The following GALNT17 variants were observed in gnomAD, a reference collection of about 807,000 sequenced individuals.
The protein encoded by GALNT17 is UDP-GalNAc:polypeptide N-acetylgalactosaminyltransferase-like 3.
In GALNT17, 29 loss-of-function variants were observed where a neutral mutation model predicts 63.7. The ratio of observed to expected loss-of-function variants is 0.46; its 90% CI spans 0.34 to 0.62. The LOEUF is 0.62. GALNT17 is among the 20% of genes least tolerant of loss of function. The probability of loss-of-function intolerance (pLI) is 0.01; values close to 1 mark genes in which losing one functional copy is unlikely to be tolerated. For missense variants in GALNT17, 603 were observed against 799.6 expected (o/e 0.75, Z 2.97); for synonymous variants, 305 against 318.3 (o/e 0.96, Z 0.45).
intron 1 of GALNT17, among the ~76,000 whole-genome samples, chr7:71,145,415 T>C (rs1190021822): frequency 6.6e-6 from 1 of 152,130 alleles, no homozygotes; most frequent in Non-Finnish European, 1.5e-5. Flanking sequence ...AGGATCTCTT[T>C]TGAGCCCGGG....
chr7:71,560,558 T>G (rs1208765010), intron 5 of GALNT17, among the ~76,000 whole-genome samples: 1 of 152,152 alleles, frequency 6.6e-6, no homozygotes, highest in Non-Finnish European at 1.5e-5. Flanking sequence ...TGTCATCACA[T>G]GCAGAGGAGG....
intron 9 of GALNT17, among the ~76,000 whole-genome samples, chr7:71,707,641 C>T (rs530044926): frequency 6.6e-6 from 1 of 152,296 alleles, no homozygotes; most frequent in Admixed American, 6.5e-5. Context: ...TCGTGCATCT[C>T]CTATCAGCAG....
intron 5 of GALNT17, among the ~76,000 whole-genome samples, chr7:71,477,577 C>T (rs1330444928): frequency 6.6e-6 from 1 of 152,092 alleles, no homozygotes; most frequent in Non-Finnish European, 1.5e-5. Context: ...TGACTGGCAC[C>T]TACAGTCTCA....
At chr7:71,168,461 A>AC (rs991049841) in intron 1 of GALNT17, among the ~76,000 whole-genome samples, 2 of 152,014 alleles carry the variant, frequency 1.3e-5, no homozygotes, top group African/African-American at 2.4e-5. Flanking sequence ...AACCCCAGCT[A>AC]CTCAGGAGGC....
intron 1 of GALNT17, among the ~76,000 whole-genome samples, chr7:71,310,558 A>G (rs910848007): frequency 1.3e-5 from 2 of 152,220 alleles, no homozygotes; most frequent in Non-Finnish European, 1.5e-5. Flanking sequence ...TAAGGATTCT[A>G]GTGGCCTGGG....
chr7:71,533,194 G>A (rs1377736161), intron 5 of GALNT17, among the ~76,000 whole-genome samples: 2 of 152,102 alleles, frequency 1.3e-5, no homozygotes, highest in African/African-American at 2.4e-5. Context: ...TTGTGCATTT[G>A]TTAAACTATA....
intron 5 of GALNT17, among the ~76,000 whole-genome samples, chr7:71,483,914 A>G (rs1207630687): frequency 6.6e-6 from 1 of 151,996 alleles, no homozygotes; most frequent in Non-Finnish European, 1.5e-5. Context: ...ACGAACACAC[A>G]CATTAGCCTA....
intron 5 of GALNT17, among the ~76,000 whole-genome samples, chr7:71,430,762 T>C (rs140493904): frequency 1.2e-3 from 178 of 152,294 alleles, no homozygotes; most frequent in Middle Eastern, 6.8e-3. Flanking sequence ...CACAGATATG[T>C]ACAAAGGGAG....
intron 5 of GALNT17, among the ~76,000 whole-genome samples, chr7:71,425,490 A>G (rs1226983690): frequency 9.9e-5 from 15 of 152,118 alleles, no homozygotes; most frequent in African/African-American, 3.4e-4. Flanking sequence ...CCAAAGTGCT[A>G]GGATTACAGG....
chr7:71,200,858 C>T (rs1789152565), intron 1 of GALNT17, among the ~76,000 whole-genome samples: 1 of 151,938 alleles, frequency 6.6e-6, no homozygotes, highest in Non-Finnish European at 1.5e-5. Context: ...CATCTAGACT[C>T]AGAAAACAAA....
intron 1 of GALNT17, among the ~76,000 whole-genome samples, chr7:71,314,372 A>G (rs1015234528): frequency 5.3e-5 from 8 of 152,144 alleles, no homozygotes; most frequent in Non-Finnish European, 1.2e-4. Context: ...GCCCCCCAAA[A>G]AAGTAGAATG....
At chr7:71,294,409 C>CTTTTTTTT (rs869086513) in intron 1 of GALNT17, among the ~76,000 whole-genome samples, 15 of 91,920 alleles carry the variant, frequency 1.6e-4, no homozygotes, top group Admixed American at 2.5e-4. Context: ...CTCATAAGTC[C>CTTTTTTTT]TTTTTTTTTT....
At chr7:71,647,803 C>G (rs1790701581) in intron 6 of GALNT17, among the ~76,000 whole-genome samples, 2 of 152,226 alleles carry the variant, frequency 1.3e-5, no homozygotes, top group Non-Finnish European at 2.9e-5. Flanking sequence ...CTTCAGCTTG[C>G]TCTGCTTCCA....
chr7:71,306,896 T>C (rs1791310780), intron 1 of GALNT17, among the ~76,000 whole-genome samples: 1 of 152,156 alleles, frequency 6.6e-6, no homozygotes, highest in South Asian at 2.1e-4. Flanking sequence ...CAGTCTCAGC[T>C]CACTGCAGCC....
chr7:71,413,897 G>A (rs866011156), intron 3 of GALNT17, among the ~76,000 whole-genome samples: 4 of 152,078 alleles, frequency 2.6e-5, no homozygotes, highest in Admixed American at 1.3e-4. Flanking sequence ...CCTGTACATT[G>A]TAAGAGTGAG....
At chr7:71,550,570 A>G (rs1204325611) in intron 5 of GALNT17, among the ~76,000 whole-genome samples, 1 of 152,072 alleles carries the variant, frequency 6.6e-6, no homozygotes, top group Non-Finnish European at 1.5e-5. Context: ...TAATAGAGAC[A>G]GGATTTTGCC....
chr7:71,415,137 G>A (rs1240933512), intron 3 of GALNT17, among the ~76,000 whole-genome samples: 2 of 152,082 alleles, frequency 1.3e-5, no homozygotes, highest in Admixed American at 6.6e-5. Flanking sequence ...CCGAGTAGCC[G>A]GAAGTACAGG....
At chr7:71,310,508 C>T (rs141313509) in intron 1 of GALNT17, among the ~76,000 whole-genome samples, 7 of 152,250 alleles carry the variant, frequency 4.6e-5, no homozygotes, top group African/African-American at 1.7e-4. Flanking sequence ...AAAGTAATGG[C>T]AAAAACTGCA....
intron 1 of GALNT17, among the ~76,000 whole-genome samples, chr7:71,153,976 A>T (rs1788182623): frequency 6.6e-6 from 1 of 152,140 alleles, no homozygotes; most frequent in African/African-American, 2.4e-5. Flanking sequence ...TGCAAATTTG[A>T]CACTTTCCCC....
Sources: allele counts gnomAD v4.1 joint callset (sites outside exome capture counted in the v4.1 genomes callset), GRCh38; gene constraint gnomAD v4.1.1; transcripts MANE v1.5; gene names NCBI Gene and HGNC (gene_info 2026-07-23, HGNC 2026-07-21).